The following ROR2 variants were observed in gnomAD, a reference collection of about 807,000 sequenced individuals.
The protein encoded by ROR2 is ROR family WNT receptor 2.
ROR2 carries 33 observed loss-of-function variants against 74.9 expected under a neutral mutation model. That is an observed-to-expected ratio of 0.44 (90% confidence interval 0.33 to 0.59). The LOEUF (loss-of-function observed/expected upper bound fraction) is 0.59, where lower values mean the gene tolerates loss of function less well. Among genes scored for constraint, ROR2 ranks in the 20% least tolerant of loss-of-function variants. The pLI, the probability that ROR2 is intolerant of heterozygous loss-of-function variation, is 0.02. For missense variants in ROR2, 1,216 were observed against 1,313.8 expected (o/e 0.93, Z 1.15); for synonymous variants, 586 against 558.7 (o/e 1.05, Z -0.69).
intron 1 of ROR2, among the ~76,000 whole-genome samples, chr9:91,943,559 C>G (rs1298745605): frequency 6.6e-6 from 1 of 152,134 alleles, no homozygotes; most frequent in African/African-American, 2.4e-5. Context: ...TCTAATCTCA[C>G]AATTCACACA....
At chr9:91,916,826 G>A (rs1329456860) in intron 1 of ROR2, among the ~76,000 whole-genome samples, 1 of 152,050 alleles carries the variant, frequency 6.6e-6, no homozygotes, top group East Asian at 1.9e-4. Context: ...CAAGAAACTG[G>A]CAAAGGAGGA....
intron 1 of ROR2, among the ~76,000 whole-genome samples, chr9:91,936,057 G>A (rs1431430636): frequency 6.6e-6 from 1 of 152,210 alleles, no homozygotes; most frequent in Non-Finnish European, 1.5e-5. Context: ...ACTGACCAGC[G>A]CTGAGGGCCG....
At chr9:91,909,861 T>TTTTTTTTTTTTTTGTTTTTTTTTTTTTAG (rs1830927029) in intron 1 of ROR2, among the ~76,000 whole-genome samples, 1 of 129,194 alleles carries the variant, frequency 7.7e-6, no homozygotes. Context: ...TTTTTTTTTT[T>TTTTTTTTTTTTTTGTTTTTTTTTTTTTAG]TTTTTTTTTT....
intron 1 of ROR2, among the ~76,000 whole-genome samples, chr9:91,928,479 C>T (rs1044589848): frequency 6.6e-6 from 1 of 152,218 alleles, no homozygotes; most frequent in African/African-American, 2.4e-5. Flanking sequence ...AAGGAAGGTA[C>T]ACCACTCTGA....
chr9:91,912,467 T>C (rs1831020479), intron 1 of ROR2, among the ~76,000 whole-genome samples: 1 of 152,180 alleles, frequency 6.6e-6, no homozygotes, highest in Non-Finnish European at 1.5e-5. Flanking sequence ...TATACAGATA[T>C]CAAAATACCG....
At chr9:91,793,101 C>G (rs1401572886) in intron 1 of ROR2, among the ~76,000 whole-genome samples, 4 of 152,066 alleles carry the variant, frequency 2.6e-5, no homozygotes, top group Non-Finnish European at 4.4e-5. Context: ...CAGACAAAAA[C>G]ATCGAAGGAA....
rs7025884 is a variant in ROR2 at position 91,726,406 on chromosome 9, G to A, written c.1386+135C>T. 1.5e-3 allele frequency: 1,289 copies of A among 860,988 alleles called. 20 individuals carry two copies. The African/African-American group carries it at 0.019, about 13-fold the overall frequency. The allele number at this position is 860,988 out of a possible 1,614,324, so 53.3% of individuals were successfully genotyped here. ...GATCTAGTTTACAGAAAAAAAAAAT[G>A]GCAAAATGAAGCGGAGTTTAAAATA... is the stretch of plus-strand genomic sequence containing the variant. On this transcript the variant is annotated intron_variant, in intron 8 of 8. Coordinates refer to ENST00000375708, the MANE Select transcript of ROR2 (RefSeq NM_004560.4).
Position 91,915,891 on chromosome 9 carries a change from A to G in ROR2, c.97+33976T>C, listed in dbSNP as rs114527220. Among the ~76,000 whole-genome samples, 1,118 of 152,296 alleles carry G rather than the reference A, an allele frequency of 7.3e-3. 10 individuals carry two copies. The highest frequency in any genetic ancestry group is 0.025 in the African/African-American group (1,043 of 41,566). ...TTACAATCCTCCTATAAAACGAAAAAGTTCTCCAAGTCCTCACCCCGCCCA... is the reference window on the plus strand; with the variant it reads ...TTACAATCCTCCTATAAAACGAAAAGGTTCTCCAAGTCCTCACCCCGCCCA... On this transcript the variant is annotated intron_variant, in intron 1 of 8. Transcript: ENST00000375708.
rs534162351 is a variant in ROR2, at chr9:91,789,811, G to C, written c.98-13993C>G. Among the ~76,000 whole-genome samples the C allele has an allele frequency of 4.2e-4, 64 of 152,220 alleles. 1 individual carries two copies. In the South Asian group the frequency reaches 0.012, roughly 28 times the overall value. On this transcript the variant is annotated intron_variant, in intron 1 of 8. Transcript: ENST00000375708. The stretch of plus-strand genomic sequence containing the variant: ...GCAGAAAACAAGTAGCAAAATGGTA[G>C]AAGTAAAGCGTACCATATTGGTAAG...
At chr9:91,867,725 G>T (rs1829681030) in intron 1 of ROR2, among the ~76,000 whole-genome samples, 1 of 146,604 alleles carries the variant, frequency 6.8e-6, no homozygotes, top group Admixed American at 6.9e-5. Flanking sequence ...CAGATGTTGA[G>T]AACAGAACTG....
Position 91,950,151 on chromosome 9 carries a change from C to A in ROR2, c.-188G>T. On this transcript the variant is annotated 5_prime_UTR_variant, in exon 1 of 9. Coordinates refer to ENST00000375708, the MANE Select transcript of ROR2 (RefSeq NM_004560.4). Reference sequence around the variant, plus strand: ...ATGCGCCGCTCGGCTCCGGCCACGGCAAGGGCTGGCTGGGGAGGTTCCTTG... The same window carrying A: ...ATGCGCCGCTCGGCTCCGGCCACGGAAAGGGCTGGCTGGGGAGGTTCCTTG... The A allele has an allele frequency of 2.6e-6, 1 of 385,482 alleles. No homozygotes were observed. Among genetic ancestry groups the A allele is most frequent in the Non-Finnish European group, 4.5e-6 (1 of 220,234 alleles). The allele number at this position is 385,482 out of a possible 1,614,324, so 23.9% of individuals were successfully genotyped here. A position where few individuals can be genotyped will look rare whatever the true frequency, so the allele number is the denominator to read the frequency against.
rs150953970 is a variant in ROR2, at chr9:91,819,431, CTGTG to C, written c.98-43617_98-43614del. 1.3e-3 allele frequency among the ~76,000 whole-genome samples: 202 copies of C among 152,104 alleles called. 1 individual carries two copies. In the East Asian group the frequency reaches 0.036, roughly 27 times the overall value. On this transcript the variant is annotated intron_variant, in intron 1 of 8. Transcript: ENST00000375708. ...TGTCTTTGAGTGTGTCTGTTAGTCT[CTGTG>C]TGTGTTCTGTGTGTGTCTGTGTATG...
chr9:91,726,513 C>G (rs764923529), intron 8 of ROR2, 28 bp downstream of exon 8: 1 of 1,605,790 alleles, frequency 6.2e-7, no homozygotes, highest in Admixed American at 1.7e-5. Context: ...GAAGAGCCAC[C>G]CGGGTAGAAA....
At chr9:91,834,324 G>T (rs191539832) in intron 1 of ROR2, among the ~76,000 whole-genome samples, 38 of 152,202 alleles carry the variant, frequency 2.5e-4, no homozygotes, top group Non-Finnish European at 4.9e-4. Flanking sequence ...ACGTCCCCGC[G>T]TGCAAACCCA....
intron 1 of ROR2, among the ~76,000 whole-genome samples, chr9:91,927,185 C>T (rs1344715875): frequency 1.3e-5 from 2 of 152,200 alleles, no homozygotes; most frequent in South Asian, 2.1e-4. Flanking sequence ...ACCCAAACTG[C>T]GTCCTGGACA....
intron 1 of ROR2, among the ~76,000 whole-genome samples, chr9:91,865,484 T>C (rs536334132): frequency 9.2e-5 from 14 of 152,290 alleles, no homozygotes; most frequent in Admixed American, 8.5e-4. Flanking sequence ...GGAGTCAACA[T>C]AGGGAAGGGA....
chr9:91,737,913 T>A (rs1037389439), intron 4 of ROR2, among the ~76,000 whole-genome samples: 1 of 152,202 alleles, frequency 6.6e-6, no homozygotes, highest in African/African-American at 2.4e-5. Context: ...TCCAATCATA[T>A]GACATTCTAG....
Position 91,900,420 on chromosome 9 carries a change from G to A in ROR2, c.97+49447C>T, listed in dbSNP as rs530842219. ...GCGCAGGCCCCCCCACGCAGGGAACGGTGGCGGCGCGGGGCAATCCTCCGG... is the reference window on the plus strand; with the variant it reads ...GCGCAGGCCCCCCCACGCAGGGAACAGTGGCGGCGCGGGGCAATCCTCCGG... On this transcript the variant is annotated intron_variant, in intron 1 of 8. Coordinates refer to ENST00000375708, the MANE Select transcript of ROR2 (RefSeq NM_004560.4). 2.3e-4 allele frequency among the ~76,000 whole-genome samples: 35 copies of A among 152,368 alleles called. No homozygotes were observed. In the South Asian group the frequency reaches 3.5e-3, roughly 15 times the overall value.
At chr9:91,866,369 C>T (rs1398882295) in intron 1 of ROR2, among the ~76,000 whole-genome samples, 5 of 151,072 alleles carry the variant, frequency 3.3e-5, no homozygotes, top group Admixed American at 2.6e-4. Flanking sequence ...CTGCCCGCCT[C>T]GGCCTCCCAA....
Sources: allele counts gnomAD v4.1 joint callset (sites outside exome capture counted in the v4.1 genomes callset), GRCh38; gene constraint gnomAD v4.1.1; transcripts MANE v1.5; gene names NCBI Gene and HGNC (gene_info 2026-07-23, HGNC 2026-07-21).